AGPAT4: variants seen among roughly 807,000 people sequenced by gnomAD.
The protein encoded by AGPAT4 is 1-acyl-sn-glycerol-3-phosphate acyltransferase delta.
Under a neutral mutation model 48.0 loss-of-function variants are expected in AGPAT4, and 15 were observed. The ratio of observed to expected loss-of-function variants is 0.31; its 90% CI spans 0.21 to 0.48. AGPAT4 has a LOEUF of 0.48. Among genes scored for constraint, AGPAT4 ranks in the 20% least tolerant of loss-of-function variants. AGPAT4 has a pLI of 0.99. For synonymous variants in AGPAT4, 178 were observed against 198.7 expected (o/e 0.90, Z 0.88); for missense variants, 314 against 482.5 (o/e 0.65, Z 3.27).
chr6:161,165,414 G>A lies in AGPAT4; in HGVS notation c.348+834C>T, dbSNP rs2114978935. ...CTAAACACCACGATTTTGTCTTCAG[G>A]GGCTACCAAAAAGCAAGGTGATTTC... On this transcript the variant is annotated intron_variant, in intron 3 of 8. Coordinates refer to ENST00000320285, the MANE Select transcript of AGPAT4 (RefSeq NM_020133.3). This position sits in a 1 kb window ranked among gnomAD's most constrained non-coding sequence, Gnocchi z 5.5. Among the ~76,000 whole-genome samples the A allele has an allele frequency of 6.6e-6, 1 of 152,090 alleles. No homozygotes were observed. Among genetic ancestry groups the A allele is most frequent in the South Asian group, 2.1e-4 (1 of 4,818 alleles).
chr6:161,220,033 TCA>T lies in AGPAT4; in HGVS notation c.178+12001_178+12002del, dbSNP rs1781793604. ...TACTCAAAATACACAAGGCTTGCTA[TCA>T]CAGTTACATTATTCCTGTTAAAAAA... On this transcript the variant is annotated intron_variant, in intron 2 of 8. Coordinates refer to ENST00000320285, the MANE Select transcript of AGPAT4 (RefSeq NM_020133.3). This position sits in a 1 kb window ranked among gnomAD's most constrained non-coding sequence, Gnocchi z 6.0. 6.6e-6 allele frequency among the ~76,000 whole-genome samples: 1 copy of T among 152,124 alleles called. No homozygotes were observed. The highest frequency in any genetic ancestry group is 1.5e-5 in the Non-Finnish European group (1 of 68,036).
rs574560092 is a variant in AGPAT4, at chr6:161,232,224, C to T, written c.-11G>A. 6.4e-5 allele frequency: 103 copies of T among 1,608,926 alleles called. No individual in the cohort carries two copies. The South Asian group carries it at 8.0e-4, about 12-fold the overall frequency. ...TCCCGCGAGGTCCATGATGCGTGGA[C>T]GCTCTTATTCAGAAATAAATAACTA... On this transcript the variant is annotated 5_prime_UTR_variant, in exon 2 of 9. Transcript: ENST00000320285. This position sits in a 1 kb window ranked among gnomAD's most constrained non-coding sequence, Gnocchi z 6.8.
Position 161,147,709 on chromosome 6 carries a change from ACTT to A in AGPAT4, c.768-1113_768-1111del, listed in dbSNP as rs1200550853. ...CACACTGCACTTCTCTGGATCCTCT[ACTT>A]CTTTGCTGTTTGATCTACTCTGCTT... On this transcript the variant is annotated intron_variant, in intron 6 of 8. Transcript: ENST00000320285. The surrounding 1 kb of genome is among the most constrained non-coding windows in gnomAD (Gnocchi z 4.8). Among the ~76,000 whole-genome samples, 2 of 152,118 alleles carry A rather than the reference ACTT, an allele frequency of 1.3e-5. No individual in the cohort carries two copies. Among genetic ancestry groups the A allele is most frequent in the Admixed American group, 1.3e-4 (2 of 15,278 alleles).
Position 161,169,974 on chromosome 6 carries a change from C to T in AGPAT4, c.179-3557G>A, listed in dbSNP as rs2114982779. Among the ~76,000 whole-genome samples, 1 of 152,298 alleles carries T rather than the reference C, an allele frequency of 6.6e-6. No homozygotes were observed. Among genetic ancestry groups the T allele is most frequent in the South Asian group, 2.1e-4 (1 of 4,818 alleles). On this transcript the variant is annotated intron_variant, in intron 2 of 8. Coordinates refer to ENST00000320285, the MANE Select transcript of AGPAT4 (RefSeq NM_020133.3). The surrounding 1 kb of genome is among the most constrained non-coding windows in gnomAD (Gnocchi z 5.0). The stretch of plus-strand genomic sequence containing the variant: ...GCTAGGCCTGCTACTGCTCCTCCTT[C>T]CCCTGGATCCCCGCCAGCTTCTCTG...
rs994736196 is a variant in AGPAT4, at chr6:161,231,966, T to C, written c.178+70A>G. The C allele has an allele frequency of 6.8e-7, 1 of 1,468,924 alleles. No individual in the cohort carries two copies. The allele number at this position is 1,468,924 out of a possible 1,614,324, so 91.0% of individuals were successfully genotyped here. On this transcript the variant is annotated intron_variant, in intron 2 of 8. Transcript: ENST00000320285. The surrounding 1 kb of genome is among the most constrained non-coding windows in gnomAD (Gnocchi z 5.3). Reference sequence around the variant, plus strand: ...ACACAACGAAAGCCTAGTGAATCCATATCAAGAGCCATAATTCTGATACAC... The same window carrying C: ...ACACAACGAAAGCCTAGTGAATCCACATCAAGAGCCATAATTCTGATACAC...
At position 161,156,658 on chromosome 6, in the gene AGPAT4, A is replaced by G. The variant is rs188750511; in HGVS notation, c.349-2348T>C. On this transcript the variant is annotated intron_variant, in intron 3 of 8. Transcript: ENST00000320285. ...CTGGGCTGTTGGGAACAGGCCCCCAAAATCTGGCCATAAACTGGCCCCAAA... is the reference window on the plus strand; with the variant it reads ...CTGGGCTGTTGGGAACAGGCCCCCAGAATCTGGCCATAAACTGGCCCCAAA... 2.6e-5 allele frequency among the ~76,000 whole-genome samples: 4 copies of G among 152,350 alleles called. No homozygotes were observed. In the East Asian group the frequency reaches 5.8e-4, roughly 22 times the overall value.
rs1376654215 is a variant in AGPAT4, at chr6:161,232,325, A to T, written c.-89-23T>A. ...CGTCTAAAACACAAACAAATAGGAAATGTTAGCAAAAACACGATGTGCTTT... is the reference window on the plus strand; with the variant it reads ...CGTCTAAAACACAAACAAATAGGAATTGTTAGCAAAAACACGATGTGCTTT... On this transcript the variant is annotated intron_variant, in intron 1 of 8. Coordinates refer to ENST00000320285, the MANE Select transcript of AGPAT4 (RefSeq NM_020133.3). This position sits in a 1 kb window ranked among gnomAD's most constrained non-coding sequence, Gnocchi z 6.8. 1.9e-6 allele frequency: 2 copies of T among 1,066,512 alleles called. No individual in the cohort carries two copies. The highest frequency in any genetic ancestry group is 5.8e-5 in the Admixed American group (2 of 34,542). 66.1% of individuals were successfully genotyped at this position (1,066,512 alleles called of 1,614,324 possible).
chr6:161,151,178 T>C (rs1250430276), intron 5 of AGPAT4, among the ~76,000 whole-genome samples: 4 of 152,196 alleles, frequency 2.6e-5, no homozygotes, highest in Non-Finnish European at 4.4e-5. Context: ...CAGCTCGCCA[T>C]GTACTGGCTG....
rs1420733513 is a variant in AGPAT4, at chr6:161,220,405, C to T, written c.178+11631G>A. Among the ~76,000 whole-genome samples the T allele has an allele frequency of 6.6e-6, 1 of 152,160 alleles. No individual in the cohort carries two copies. Among genetic ancestry groups the T allele is most frequent in the African/African-American group, 2.4e-5 (1 of 41,432 alleles). ...CAGTAACTATGAAGAGAAAACATTA[C>T]ATCTGAAATGAGCTGGAGAGGCAGA... On this transcript the variant is annotated intron_variant, in intron 2 of 8. Coordinates refer to ENST00000320285, the MANE Select transcript of AGPAT4 (RefSeq NM_020133.3). The surrounding 1 kb of genome is among the most constrained non-coding windows in gnomAD (Gnocchi z 6.0).
rs1783257497 is a variant in AGPAT4 at position 161,266,122 on chromosome 6, G to C, written c.-90+7816C>G. Among the ~76,000 whole-genome samples, 1 of 152,148 alleles carries C rather than the reference G, an allele frequency of 6.6e-6. No homozygotes were observed. Among genetic ancestry groups the C allele is most frequent in the East Asian group, 1.9e-4 (1 of 5,160 alleles). Reference sequence around the variant, plus strand: ...TTTGGCTGTCACAAGTAGGAGTGGGGTGACTACTCCTGGCATGTAACAGTT... The same window carrying C: ...TTTGGCTGTCACAAGTAGGAGTGGGCTGACTACTCCTGGCATGTAACAGTT... On this transcript the variant is annotated intron_variant, in intron 1 of 8. Coordinates refer to ENST00000320285, the MANE Select transcript of AGPAT4 (RefSeq NM_020133.3). The surrounding 1 kb of genome is among the most constrained non-coding windows in gnomAD (Gnocchi z 6.2).
intron 1 of AGPAT4, among the ~76,000 whole-genome samples, chr6:161,265,141 T>G (rs1321521914): frequency 6.9e-6 from 1 of 145,294 alleles, no homozygotes; most frequent in Non-Finnish European, 1.5e-5. Context: ...GGTGCTGGAT[T>G]AGTACCCACC....
In AGPAT4 at chr6:161,261,042, C is replaced by T. The variant is rs112903926; in HGVS notation, c.-90+12896G>A. On this transcript the variant is annotated intron_variant, in intron 1 of 8. Transcript: ENST00000320285. The surrounding 1 kb of genome is among the most constrained non-coding windows in gnomAD (Gnocchi z 5.3). ...CTGAGCAGGGCTCACTCTGGTGCTC[C>T]GAGCTCGTGTATTCCGTTCCACCTG... Among the ~76,000 whole-genome samples the T allele has an allele frequency of 2.8e-4, 42 of 152,212 alleles. No homozygotes were observed. The highest frequency in any genetic ancestry group is 2.5e-4 in the Non-Finnish European group (17 of 68,038).
At position 161,255,303 on chromosome 6, in the gene AGPAT4, A is replaced by G. The variant is rs915462647; in HGVS notation, c.-90+18635T>C. The stretch of plus-strand genomic sequence containing the variant: ...CAGAAAAGATTTTGGGAAGTGAATG[A>G]AACACATCCAGCTGTAGTTCTTCTG... On this transcript the variant is annotated intron_variant, in intron 1 of 8. Transcript: ENST00000320285. This position sits in a 1 kb window ranked among gnomAD's most constrained non-coding sequence, Gnocchi z 4.7. 2.6e-5 allele frequency among the ~76,000 whole-genome samples: 4 copies of G among 152,228 alleles called. No homozygotes were observed. The highest frequency in any genetic ancestry group is 6.5e-5 in the Admixed American group (1 of 15,280).
At chr6:161,170,737 C>T (rs778877140) in intron 2 of AGPAT4, among the ~76,000 whole-genome samples, 1 of 152,192 alleles carries the variant, frequency 6.6e-6, no homozygotes, top group African/African-American at 2.4e-5. Context: ...AAGAGCCCTA[C>T]AGGAGCTGCT....
rs1275788561 is a variant in AGPAT4 at position 161,245,535 on chromosome 6, G to A, written c.-89-13233C>T. ...GGAAGCACTCTGCTGCCTCTATAGT[G>A]GCCACAGGAGCTTACTTTTTGTGGG... On this transcript the variant is annotated intron_variant, in intron 1 of 8. Transcript: ENST00000320285. This position sits in a 1 kb window ranked among gnomAD's most constrained non-coding sequence, Gnocchi z 5.2. 6.6e-6 allele frequency among the ~76,000 whole-genome samples: 1 copy of A among 152,166 alleles called. No individual in the cohort carries two copies. The highest frequency in any genetic ancestry group is 2.4e-5 in the African/African-American group (1 of 41,442).
rs1782559356 is a variant in AGPAT4, at chr6:161,243,490, C to G, written c.-89-11188G>C. 6.6e-6 allele frequency among the ~76,000 whole-genome samples: 1 copy of G among 152,210 alleles called. No homozygotes were observed. Among genetic ancestry groups the G allele is most frequent in the African/African-American group, 2.4e-5 (1 of 41,458 alleles). On this transcript the variant is annotated intron_variant, in intron 1 of 8. Coordinates refer to ENST00000320285, the MANE Select transcript of AGPAT4 (RefSeq NM_020133.3). The surrounding 1 kb of genome is among the most constrained non-coding windows in gnomAD (Gnocchi z 4.8). Reference sequence around the variant, plus strand: ...TTGGCCCACCACAAGGCTGTGTGCCCAGAGCCTGCAGGAGAGGCGCTGTTT... The same window carrying G: ...TTGGCCCACCACAAGGCTGTGTGCCGAGAGCCTGCAGGAGAGGCGCTGTTT...
chr6:161,228,089 C>G (rs1336060466), intron 2 of AGPAT4, among the ~76,000 whole-genome samples: 1 of 152,176 alleles, frequency 6.6e-6, no homozygotes, highest in East Asian at 1.9e-4. Context: ...TCTTCCTCCT[C>G]CCCTGGACAC....
chr6:161,208,479 AT>A lies in AGPAT4; in HGVS notation c.178+23556del, dbSNP rs3842104. Among the ~76,000 whole-genome samples the A allele has an allele frequency of 1.5e-4, 22 of 150,424 alleles. No individual in the cohort carries two copies. The highest frequency in any genetic ancestry group is 4.2e-4 in the South Asian group (2 of 4,776). On this transcript the variant is annotated intron_variant, in intron 2 of 8. Coordinates refer to ENST00000320285, the MANE Select transcript of AGPAT4 (RefSeq NM_020133.3). This position sits in a 1 kb window ranked among gnomAD's most constrained non-coding sequence, Gnocchi z 4.6. ...ACCCCCAACATCTGCAGGTTTAAGC[AT>A]TTTTTTTTTCCATAATGTTCACAAA... is the stretch of plus-strand genomic sequence containing the variant.
chr6:161,185,169 G>T (rs1300229630), intron 2 of AGPAT4, among the ~76,000 whole-genome samples: 1 of 148,124 alleles, frequency 6.8e-6, no homozygotes, highest in African/African-American at 2.5e-5. Context: ...ACAAGAGGGA[G>T]ATAGTTTGGA....
Sources: allele counts gnomAD v4.1 joint callset (sites outside exome capture counted in the v4.1 genomes callset), GRCh38; gene constraint gnomAD v4.1.1; non-coding constraint Gnocchi (gnomAD v3.1); transcripts MANE v1.5; gene names NCBI Gene and HGNC (gene_info 2026-07-23, HGNC 2026-07-21).